Variants in EML6 observed in about 807,000 individuals in gnomAD.
The protein encoded by EML6 is EMAP like 6.
In EML6, 154 loss-of-function variants were observed where a neutral mutation model predicts 240.1. The ratio of observed to expected loss-of-function variants is 0.64; its 90% CI spans 0.56 to 0.73. The LOEUF (loss-of-function observed/expected upper bound fraction) is 0.73. EML6 is among the 30% of genes least tolerant of loss of function. EML6 has a pLI of 0.00. For missense variants in EML6, 2,964 were observed against 2,474.6 expected (o/e 1.20, Z -4.20); for synonymous variants, 1,148 against 899.0 (o/e 1.28, Z -4.95).
intron 9 of EML6, among the ~76,000 whole-genome samples, chr2:54,848,762 C>A (rs887711750): frequency 6.6e-6 from 1 of 152,150 alleles, no homozygotes; most frequent in African/African-American, 2.4e-5. Flanking sequence ...AAAACAACCC[C>A]AGTGAGCTTT....
At chr2:54,890,946 T>C (rs919735434) in intron 17 of EML6, 108 bp from the exon 18 acceptor site, 12 of 487,818 alleles carry the variant, frequency 2.5e-5, no homozygotes, top group Non-Finnish European at 3.9e-5. Flanking sequence ...TTTTCTAATT[T>C]AATGGTCCTG....
Position 54,970,276 on chromosome 2 carries a change from C to T in EML6, c.*181C>T, listed in dbSNP as rs1420501125. On this transcript the variant is annotated 3_prime_UTR_variant, in exon 42 of 42. Coordinates refer to ENST00000356458, the MANE Select transcript of EML6 (RefSeq NM_001039753.4). ...CTCCCATAATCTGGACTCTCCAAAA[C>T]CGTGATGCCACGAAGGAAGGTCAAG... The T allele has an allele frequency of 1.2e-5, 8 of 643,130 alleles. No homozygotes were observed. Among genetic ancestry groups the T allele is most frequent in the Non-Finnish European group, 2.2e-5 (8 of 365,324 alleles). 39.8% of individuals were successfully genotyped at this position (643,130 alleles called of 1,614,324 possible).
chr2:54,952,980 A>G (rs1279376000), intron 31 of EML6, among the ~76,000 whole-genome samples: 1 of 151,738 alleles, frequency 6.6e-6, no homozygotes, highest in African/African-American at 2.4e-5. Context: ...AGTGTCAAGA[A>G]CTCCGTGTCT....
intron 25 of EML6, among the ~76,000 whole-genome samples, chr2:54,914,899 A>G (rs76965962): frequency 1.5e-3 from 233 of 152,334 alleles, no homozygotes; most frequent in African/African-American, 5.4e-3. Flanking sequence ...TACAAATGGT[A>G]CAGTTAAAGC....
intron 29 of EML6, 56 bp downstream of exon 29, chr2:54,949,016 G>A: frequency 2.3e-6 from 3 of 1,291,802 alleles, no homozygotes; most frequent in South Asian, 2.5e-5. Flanking sequence ...ATACCTGGTA[G>A]ACATCCCCAT....
chr2:54,738,115 T>C (rs528544066), intron 2 of EML6, among the ~76,000 whole-genome samples: 1 of 152,332 alleles, frequency 6.6e-6, no homozygotes, highest in South Asian at 2.1e-4. Flanking sequence ...TCCTTGTTTT[T>C]TTTTCCTTAG....
intron 17 of EML6, among the ~76,000 whole-genome samples, chr2:54,887,720 T>A (rs1672227902): frequency 6.6e-6 from 1 of 152,206 alleles, no homozygotes; most frequent in South Asian, 2.1e-4. Flanking sequence ...TCCATATGGC[T>A]ACCAAGGTGT....
intron 26 of EML6, among the ~76,000 whole-genome samples, chr2:54,918,105 C>G (rs1418978397): frequency 2.0e-5 from 3 of 152,196 alleles, no homozygotes; most frequent in Non-Finnish European, 2.9e-5. Context: ...TTTCTAAGAT[C>G]TGAGTACAGA....
intron 25 of EML6, among the ~76,000 whole-genome samples, chr2:54,912,438 G>C (rs1673691503): frequency 6.6e-6 from 1 of 151,954 alleles, no homozygotes; most frequent in Admixed American, 6.6e-5. Context: ...TTAGATTCGG[G>C]GATACATGCA....
At chr2:54,934,099 G>C (rs532038534) in intron 28 of EML6, among the ~76,000 whole-genome samples, 3 of 152,146 alleles carry the variant, frequency 2.0e-5, no homozygotes, top group Non-Finnish European at 2.9e-5. Flanking sequence ...AGCCGTGTGC[G>C]AGTATTATAT....
intron 24 of EML6, among the ~76,000 whole-genome samples, chr2:54,909,199 T>C (rs182832882): frequency 1.7e-4 from 26 of 152,352 alleles, no homozygotes; most frequent in African/African-American, 4.6e-4. Flanking sequence ...TGAATAACCG[T>C]CCACGTGCTT....
intron 4 of EML6, among the ~76,000 whole-genome samples, chr2:54,819,501 G>A (rs184485369): frequency 3.6e-4 from 55 of 152,290 alleles, no homozygotes; most frequent in Admixed American, 1.2e-3. Context: ...AAATAGGCCG[G>A]GCACGGTGGC....
At chr2:54,764,282 A>G (rs187770867) in intron 2 of EML6, among the ~76,000 whole-genome samples, 15 of 152,338 alleles carry the variant, frequency 9.8e-5, no homozygotes, top group Admixed American at 7.2e-4. Context: ...CATAGTGGGA[A>G]TATTATTAGT....
At chr2:54,820,176 A>G (rs1346395299) in intron 4 of EML6, among the ~76,000 whole-genome samples, 1 of 152,198 alleles carries the variant, frequency 6.6e-6, no homozygotes, top group African/African-American at 2.4e-5. Flanking sequence ...TAATTATGGT[A>G]AGTTCTCTCT....
intron 26 of EML6, among the ~76,000 whole-genome samples, chr2:54,917,894 C>G (rs1674011689): frequency 6.6e-6 from 1 of 152,226 alleles, no homozygotes; most frequent in Non-Finnish European, 1.5e-5. Flanking sequence ...TAGTCTAGAA[C>G]TGTATTCAGT....
At chr2:54,903,976 A>T (rs1244506988) in intron 24 of EML6, among the ~76,000 whole-genome samples, 2 of 152,132 alleles carry the variant, frequency 1.3e-5, no homozygotes, top group African/African-American at 4.8e-5. Context: ...CTGCTCTATA[A>T]AACTCCCAAC....
intron 19 of EML6, 90 bp from the exon 20 acceptor site, chr2:54,894,825 C>T (rs960733832): frequency 2.6e-6 from 2 of 759,030 alleles, no homozygotes; most frequent in African/African-American, 1.7e-5. Flanking sequence ...ATCCACAAAG[C>T]TTCCTTACCT....
rs575605397 is a variant in EML6 at position 54,793,696 on chromosome 2, C to T, written c.198-19536C>T. On this transcript the variant is annotated intron_variant, in intron 2 of 41. Transcript: ENST00000356458. ...CCTGTAGGAAACATTGGCCAGTTTTCCTTTGAGCCAGATGTGGCTGGTGAC... is the reference window on the plus strand; with the variant it reads ...CCTGTAGGAAACATTGGCCAGTTTTTCTTTGAGCCAGATGTGGCTGGTGAC... Among the ~76,000 whole-genome samples the T allele has an allele frequency of 5.5e-3, 843 of 152,228 alleles. 9 individuals carry two copies. The highest frequency in any genetic ancestry group is 0.019 in the African/African-American group (787 of 41,536).
In EML6 at chr2:54,754,708, C is replaced by G. The variant is rs145444596; in HGVS notation, c.197+29450C>G. ...TTTATCAATCTTTATCAATCTTTTA[C>G]TTTATGATTAGTGCTGTCTGGGTCC... is the stretch of plus-strand genomic sequence containing the variant. On this transcript the variant is annotated intron_variant, in intron 2 of 41. Coordinates refer to ENST00000356458, the MANE Select transcript of EML6 (RefSeq NM_001039753.4). 7.9e-5 allele frequency among the ~76,000 whole-genome samples: 12 copies of G among 152,224 alleles called. No individual in the cohort carries two copies. The East Asian group carries it at 2.3e-3, about 29-fold the overall frequency.
Sources: gnomAD v4.1 joint callset for allele counts (sites outside exome capture counted in the v4.1 genomes callset) on GRCh38, gnomAD v4.1.1 for gene constraint, MANE v1.5 for transcripts, NCBI Gene and HGNC (gene_info 2026-07-23, HGNC 2026-07-21) for gene names.